GPR137B: variants seen among roughly 807,000 people sequenced by gnomAD.
The protein encoded by GPR137B is integral membrane protein GPR137B.
In GPR137B, 42 loss-of-function variants were observed where a neutral mutation model predicts 42.5. That is an observed-to-expected ratio of 0.99 (90% confidence interval 0.77 to 1.28). The LOEUF (loss-of-function observed/expected upper bound fraction) is 1.28. Ranked by LOEUF, GPR137B falls within the 50% of genes most tolerant of loss-of-function variation. The pLI, the probability that GPR137B is intolerant of heterozygous loss-of-function variation, is 0.00. For synonymous variants in GPR137B, 218 were observed against 209.7 expected (o/e 1.04, Z -0.34); for missense variants, 487 against 493.9 (o/e 0.99, Z 0.13).
In GPR137B at chr1:236,142,703, C is replaced by T; in HGVS notation, c.81C>T (p.Asp27=). ...ETPPWDPARN[D]SLPPTLTPAV... is the part of the protein sequence containing the mutation. ...CGCCGTGGGACCCAGCCCGCAACGA[C>T]TCGCTGCCGCCCACGCTGACCCCGG... The change falls in exon 1 of 7, where the codon GAC becomes GAT. Residue 27 remains aspartate (D), a synonymous_variant. Coordinates refer to ENST00000366592, the MANE Select transcript of GPR137B (RefSeq NM_003272.4). 1.3e-6 allele frequency: 2 copies of T among 1,596,384 alleles called. No individual in the cohort carries two copies. The highest frequency in any genetic ancestry group is 1.7e-6 in the Non-Finnish European group (2 of 1,175,126).
chr1:236,157,296 C>T (rs1662060051), intron 1 of GPR137B, among the ~76,000 whole-genome samples: 1 of 151,040 alleles, frequency 6.6e-6, no homozygotes, highest in Non-Finnish European at 1.5e-5. Flanking sequence ...GCGATCTCTG[C>T]TCACTGCAAG....
At chr1:236,166,941 C>T (rs531303545) in intron 1 of GPR137B, among the ~76,000 whole-genome samples, 2 of 151,998 alleles carry the variant, frequency 1.3e-5, no homozygotes, top group Admixed American at 1.3e-4. Context: ...GTAGATGTGA[C>T]TGGGGGATTC....
chr1:236,164,480 G>T (rs1043269275), intron 1 of GPR137B, among the ~76,000 whole-genome samples: 1 of 152,208 alleles, frequency 6.6e-6, no homozygotes, highest in Non-Finnish European at 1.5e-5. Context: ...GTCAGTGGGA[G>T]CCAGTGCAGA....
chr1:236,197,943 A>G (rs1663386702), intron 5 of GPR137B, among the ~76,000 whole-genome samples: 1 of 151,168 alleles, frequency 6.6e-6, no homozygotes. Flanking sequence ...CTGGTCTTGA[A>G]CTCCTGACCT....
At chr1:236,203,117 G>T (rs991031294) in intron 5 of GPR137B, among the ~76,000 whole-genome samples, 3 of 151,814 alleles carry the variant, frequency 2.0e-5, no homozygotes, top group South Asian at 4.2e-4. Flanking sequence ...TTGCTCTGTC[G>T]CCCAGGCTGG....
At chr1:236,152,384 C>G (rs1661892534) in intron 1 of GPR137B, among the ~76,000 whole-genome samples, 1 of 151,966 alleles carries the variant, frequency 6.6e-6, no homozygotes. Context: ...ATTGCTTGAA[C>G]TTGGGAGGTC....
At chr1:236,192,949 G>C (rs1454685854) in intron 5 of GPR137B, among the ~76,000 whole-genome samples, 2 of 152,000 alleles carry the variant, frequency 1.3e-5, no homozygotes, top group African/African-American at 4.8e-5. Flanking sequence ...GGCTGGAGTG[G>C]AGTGGGGTGA....
At chr1:236,194,785 AT>A (rs1663290447) in intron 5 of GPR137B, among the ~76,000 whole-genome samples, 1 of 152,114 alleles carries the variant, frequency 6.6e-6, no homozygotes, top group Non-Finnish European at 1.5e-5. Flanking sequence ...GTCATTGGAA[AT>A]TTTTTGAGAG....
chr1:236,188,733 G>A (rs1663107219), intron 5 of GPR137B, among the ~76,000 whole-genome samples: 1 of 152,194 alleles, frequency 6.6e-6, no homozygotes, highest in Non-Finnish European at 1.5e-5. Flanking sequence ...GTACGTTATT[G>A]AGGATTTTCA....
intron 5 of GPR137B, among the ~76,000 whole-genome samples, chr1:236,185,619 G>C (rs867694213): frequency 6.6e-6 from 1 of 152,162 alleles, no homozygotes; most frequent in Non-Finnish European, 1.5e-5. Context: ...GCAGTGGCAC[G>C]ATCACAGCTC....
At chr1:236,148,160 T>C (rs2102889001) in intron 1 of GPR137B, among the ~76,000 whole-genome samples, 1 of 152,338 alleles carries the variant, frequency 6.6e-6, no homozygotes. Flanking sequence ...GGGGCAGGAC[T>C]CTGAAACCTA....
At chr1:236,186,085 G>A (rs373421837) in intron 5 of GPR137B, among the ~76,000 whole-genome samples, 13 of 149,242 alleles carry the variant, frequency 8.7e-5, no homozygotes, top group South Asian at 6.3e-4. Flanking sequence ...ATTCGTCTAC[G>A]TTGTAACATA....
chr1:236,198,687 C>T (rs114346883), intron 5 of GPR137B, among the ~76,000 whole-genome samples: 4,553 of 152,222 alleles, frequency 0.03, 91 homozygotes, highest in Non-Finnish European at 0.047. Context: ...CTTTCACCTC[C>T]TTGGTTAGGT....
intron 1 of GPR137B, among the ~76,000 whole-genome samples, chr1:236,163,886 C>T (rs554554396): frequency 1.3e-5 from 2 of 151,728 alleles, no homozygotes; most frequent in East Asian, 3.9e-4. Flanking sequence ...ACCTCCCATA[C>T]TGCCTCACAC....
At position 236,142,984 on chromosome 1, in the gene GPR137B, C is replaced by A; in HGVS notation, c.362C>A (p.Pro121His). 1 of 1,613,924 alleles carries A rather than the reference C, an allele frequency of 6.2e-7. No individual in the cohort carries two copies. Among genetic ancestry groups the A allele is most frequent in the South Asian group, 1.1e-5 (1 of 91,036 alleles). ...PFVFWLLYCF[P>H]VCLQFFTLTL... Reference sequence around the variant, plus strand: ...GTCTTCTGGCTGCTCTACTGCTTCCCTGTGTGCCTGCAGTTTTTCACCCTC... The same window carrying A: ...GTCTTCTGGCTGCTCTACTGCTTCCATGTGTGCCTGCAGTTTTTCACCCTC... Residue 121 changes from proline (P) to histidine (H), a missense_variant, in exon 1 of 7, where the codon CCT becomes CAT. Coordinates refer to ENST00000366592, the MANE Select transcript of GPR137B (RefSeq NM_003272.4).
At chr1:236,159,659 A>G (rs1185840307) in intron 1 of GPR137B, among the ~76,000 whole-genome samples, 2 of 152,160 alleles carry the variant, frequency 1.3e-5, no homozygotes, top group Non-Finnish European at 2.9e-5. Flanking sequence ...GCGGGAGTTC[A>G]AAGGGTGGGA....
chr1:236,205,124 A>C lies in GPR137B; in HGVS notation c.967-2A>C. 1.2e-6 allele frequency: 2 copies of C among 1,612,076 alleles called. No individual in the cohort carries two copies. The highest frequency in any genetic ancestry group is 1.1e-5 in the South Asian group (1 of 90,916). On this transcript the variant is annotated splice_acceptor_variant, in intron 5 of 6. Transcript: ENST00000366592. LOFTEE classifies it high-confidence loss of function. The stretch of plus-strand genomic sequence containing the variant: ...ATGCTGAATGATTACCTGTCTTTCT[A>C]GACCAACCCTGGAATGGTCCCCAGC...
chr1:236,164,796 C>T (rs1253655360), intron 1 of GPR137B, among the ~76,000 whole-genome samples: 3 of 151,856 alleles, frequency 2.0e-5, no homozygotes, highest in African/African-American at 7.3e-5. Context: ...GGAATTCAAA[C>T]ACAACTTTAA....
chr1:236,165,437 C>T (rs755777366), intron 1 of GPR137B, among the ~76,000 whole-genome samples: 10 of 152,258 alleles, frequency 6.6e-5, no homozygotes, highest in Admixed American at 3.3e-4. Flanking sequence ...TCTTGGCTGG[C>T]GTAAGTCATC....
Sources: allele counts gnomAD v4.1 joint callset (sites outside exome capture counted in the v4.1 genomes callset), GRCh38; gene constraint gnomAD v4.1.1; transcripts MANE v1.5; gene names NCBI Gene and HGNC (gene_info 2026-07-23, HGNC 2026-07-21).